The following NUDT19 variants were observed in gnomAD, a reference collection of about 807,000 sequenced individuals.
NUDT19 encodes nudix hydrolase 19, also known as acyl-coenzyme A diphosphatase NUDT19.
A neutral mutation model predicts 22.2 loss-of-function variants in NUDT19; 31 were observed. That is an observed-to-expected ratio of 1.40 (90% CI 1.05 to 1.89). The LOEUF (loss-of-function observed/expected upper bound fraction) is 1.89, where lower values mean the gene tolerates loss of function less well. NUDT19 is among the 40% of genes most tolerant of loss of function. The probability of loss-of-function intolerance (pLI) is 0.00; values close to 1 mark genes in which losing one functional copy is unlikely to be tolerated. For synonymous variants in NUDT19, 325 were observed against 230.8 expected, an observed-to-expected ratio of 1.41 and a Z score of -3.70; for missense variants, 752 against 514.2, an observed-to-expected ratio of 1.46 and a Z score of -4.47.
At chr19:32,710,028 T>G (rs934716897) in intron 2 of NUDT19, among the ~76,000 whole-genome samples, 24 of 150,028 alleles carry the variant, frequency 1.6e-4, no homozygotes, top group Non-Finnish European at 3.1e-4. Context: ...ATTAGGGAGC[T>G]TTTTTTTTGA....
rs1208713903 is a variant in NUDT19 at position 32,713,173 on chromosome 19, A to G, written c.*1216A>G. On this transcript the variant is annotated 3_prime_UTR_variant, in exon 3 of 3. Transcript: ENST00000397061. ...TATTTTATTTTATTCTATTTTATTTATTTTTGAGACAGAGTCTCGCTCTGT... is the reference window on the plus strand; with the variant it reads ...TATTTTATTTTATTCTATTTTATTTGTTTTTGAGACAGAGTCTCGCTCTGT... 6.6e-6 allele frequency: 1 copy of G among 151,928 alleles called. No individual in the cohort carries two copies. The highest frequency in any genetic ancestry group is 1.5e-5 in the Non-Finnish European group (1 of 67,984). The allele number at this position is 151,928 out of a possible 1,614,324, so 9.4% of individuals were successfully genotyped here. A position where few individuals can be genotyped will look rare whatever the true frequency, so the allele number is the denominator to read the frequency against.
chr19:32,711,531 A>G (rs976440470), intron 2 of NUDT19, among the ~76,000 whole-genome samples: 4 of 152,216 alleles, frequency 2.6e-5, no homozygotes, highest in African/African-American at 9.6e-5. Flanking sequence ...GTTAACAACT[A>G]TCTCAGTTCC....
At chr19:32,695,444 C>T (rs1968251780) in intron 1 of NUDT19, among the ~76,000 whole-genome samples, 1 of 152,202 alleles carries the variant, frequency 6.6e-6, no homozygotes, top group Admixed American at 6.5e-5. Context: ...TCCCAAAGTG[C>T]TGGGATTACA....
At position 32,691,841 on chromosome 19, in the gene NUDT19, C is replaced by A; in HGVS notation, c.-120C>A. On this transcript the variant is annotated 5_prime_UTR_variant, in exon 1 of 3. Transcript: ENST00000397061. ...CGACCAAACGCCCAGGTTCACCCAA[C>A]GCCAGAGGCTCGTCCTCAATTCCCG... 1 of 506,128 alleles carries A rather than the reference C, an allele frequency of 2.0e-6. No individual in the cohort carries two copies. Among genetic ancestry groups the A allele is most frequent in the Non-Finnish European group, 2.9e-6 (1 of 339,794 alleles). The allele number at this position is 506,128 out of a possible 1,614,324, so 31.4% of individuals were successfully genotyped here.
chr19:32,697,139 T>G (rs1330298854), intron 1 of NUDT19, among the ~76,000 whole-genome samples: 2 of 152,170 alleles, frequency 1.3e-5, no homozygotes, highest in Admixed American at 1.3e-4. Context: ...CTCTGTCCCC[T>G]CTGAACCACC....
rs529364709 is a variant in NUDT19 at position 32,694,220 on chromosome 19, A to G, written c.714+1546A>G. On this transcript the variant is annotated intron_variant, in intron 1 of 2. Transcript: ENST00000397061. ...TTGCCCAACTCCAGAGGTTGGTATA[A>G]GAGTTTGAAAGGCGTTGTCTGATTT... 2.6e-5 allele frequency among the ~76,000 whole-genome samples: 4 copies of G among 152,352 alleles called. No homozygotes were observed. In the East Asian group the frequency reaches 7.7e-4, roughly 29 times the overall value.
rs202188892 is a variant in NUDT19 at position 32,711,815 on chromosome 19, C to G, written c.986C>G (p.Thr329Ser). The G allele has an allele frequency of 5.0e-4, 804 of 1,613,660 alleles. 11 individuals carry two copies. In the South Asian group the frequency reaches 8.4e-3, roughly 17 times the overall value. ...AATCTTATGTCTACTGAAAAAAAGA[C>G]TGAGGAAATCATGAAGGAAGGCAAG... ...LENLMSTEKK[T>S]EEIMKEGKQF... Residue 329 changes from threonine to serine, a missense_variant, in exon 3 of 3, where the codon ACT (threonine) becomes AGT (serine). Physicochemically the swap from Thr to Ser is moderately conservative, Grantham distance 58. Coordinates refer to ENST00000397061, the MANE Select transcript of NUDT19 (RefSeq NM_001105570.2).
At chr19:32,708,018 C>T (rs780587888) in intron 1 of NUDT19, among the ~76,000 whole-genome samples, 27 of 150,930 alleles carry the variant, frequency 1.8e-4, no homozygotes, top group Non-Finnish European at 3.0e-4. Context: ...ACGATGGTGG[C>T]GGGTGCCTGT....
Position 32,692,678 on chromosome 19 carries a change from A to G in NUDT19, c.714+4A>G, listed in dbSNP as rs147910567. Reference sequence around the variant, plus strand: ...GGCGGAGGTGGTGGGCTACCAGGTAAGGCCTGCTCAGGGCCTTGCTGCGGA... The same window carrying G: ...GGCGGAGGTGGTGGGCTACCAGGTAGGGCCTGCTCAGGGCCTTGCTGCGGA... On this transcript the variant is annotated splice_donor_region_variant and intron_variant, in intron 1 of 2. Coordinates refer to ENST00000397061, the MANE Select transcript of NUDT19 (RefSeq NM_001105570.2). 2,834 of 1,483,334 alleles carry G rather than the reference A, an allele frequency of 1.9e-3. 58 individuals carry two copies. In the African/African-American group the frequency reaches 0.037, roughly 19 times the overall value. The allele number at this position is 1,483,334 out of a possible 1,614,324, so 91.9% of individuals were successfully genotyped here. A position where few individuals can be genotyped will look rare whatever the true frequency, so the allele number is the denominator to read the frequency against.
intron 1 of NUDT19, among the ~76,000 whole-genome samples, chr19:32,705,771 G>C (rs1968381316): frequency 6.6e-6 from 1 of 151,940 alleles, no homozygotes; most frequent in African/African-American, 2.4e-5. Context: ...TTTTAGTAGA[G>C]TCCGAGTTTC....
chr19:32,692,773 G>T lies in NUDT19; in HGVS notation c.714+99G>T. Reference sequence around the variant, plus strand: ...CCCAAGGGACCCCCGCATAGGCCAAGCCCAGAGAGATTAAGCAGCAAGGAA... The same window carrying T: ...CCCAAGGGACCCCCGCATAGGCCAATCCCAGAGAGATTAAGCAGCAAGGAA... On this transcript the variant is annotated intron_variant, in intron 1 of 2. Coordinates refer to ENST00000397061, the MANE Select transcript of NUDT19 (RefSeq NM_001105570.2). 4.7e-6 allele frequency: 4 copies of T among 846,586 alleles called. No individual in the cohort carries two copies. The South Asian group carries it at 8.8e-5, about 19-fold the overall frequency. The allele number at this position is 846,586 out of a possible 1,614,324, so 52.4% of individuals were successfully genotyped here. A position where few individuals can be genotyped will look rare whatever the true frequency, so the allele number is the denominator to read the frequency against.
At chr19:32,700,811 G>T (rs773227689) in intron 1 of NUDT19, among the ~76,000 whole-genome samples, 3 of 152,122 alleles carry the variant, frequency 2.0e-5, no homozygotes, top group Non-Finnish European at 2.9e-5. Context: ...GAAGGCCAGA[G>T]GATCAATTGA....
At position 32,692,371 on chromosome 19, in the gene NUDT19, C is replaced by G. The variant is rs76671126; in HGVS notation, c.411C>G (p.Gly137=). ...TGCGGGAGGCCTTTGAGGAGGCGGG[C>G]GTGCTGCTGCTGCGGCCCAGGACTT... ...CAVREAFEEA[G]VLLLRPRTSP... The change falls in exon 1 of 3, where the codon GGC becomes GGG. Residue 137 remains glycine (G), a synonymous_variant. Coordinates refer to ENST00000397061, the MANE Select transcript of NUDT19 (RefSeq NM_001105570.2). 1,941 of 1,588,616 alleles carry G rather than the reference C, an allele frequency of 1.2e-3. 33 individuals are homozygous for G. In the East Asian group the frequency reaches 0.033, roughly 27 times the overall value.
chr19:32,704,806 T>C (rs1968370596), intron 1 of NUDT19, among the ~76,000 whole-genome samples: 3 of 152,028 alleles, frequency 2.0e-5, no homozygotes, highest in African/African-American at 7.2e-5. Flanking sequence ...TCACATTCCT[T>C]AAAGAGTATT....
Position 32,711,858 on chromosome 19 carries a change from G to A in NUDT19, c.1029G>A (p.Val343=), listed in dbSNP as rs1489077916. The A allele has an allele frequency of 1.9e-6, 3 of 1,613,484 alleles. No homozygotes were observed. Among genetic ancestry groups the A allele is most frequent in the Non-Finnish European group, 2.5e-6 (3 of 1,179,414 alleles). ...MKEGKQFHRI[V]TYHRHLYDIH... is the part of the protein sequence containing the mutation. ...AAGGCAAGCAGTTTCACCGGATAGT[G>A]ACATACCATCGCCACCTTTATGATA... is the stretch of plus-strand genomic sequence containing the variant. The change falls in exon 3 of 3, where the codon GTG becomes GTA. Residue 343 remains valine, a synonymous_variant. Coordinates refer to ENST00000397061, the MANE Select transcript of NUDT19 (RefSeq NM_001105570.2).
In NUDT19 at chr19:32,692,574, T is replaced by G; in HGVS notation, c.614T>G (p.Leu205Trp). ...HNWSAWLTPF[L>W]RGTTRRFDTA... ...TGGAGCGCCTGGCTCACCCCTTTCTTGCGGGGCACCACTCGCCGCTTTGAC... is the reference window on the plus strand; with the variant it reads ...TGGAGCGCCTGGCTCACCCCTTTCTGGCGGGGCACCACTCGCCGCTTTGAC... The change falls in exon 1 of 3, where the codon TTG becomes TGG. Residue 205 changes from leucine (L) to tryptophan (W), a missense_variant. Transcript: ENST00000397061. The G allele has an allele frequency of 5.6e-6, 9 of 1,595,468 alleles. No individual in the cohort carries two copies. The highest frequency in any genetic ancestry group is 1.1e-5 in the South Asian group (1 of 88,998).
At chr19:32,696,964 G>T (rs1470623203) in intron 1 of NUDT19, among the ~76,000 whole-genome samples, 2 of 152,170 alleles carry the variant, frequency 1.3e-5, no homozygotes, top group Non-Finnish European at 2.9e-5. Flanking sequence ...TTCTGTCCCA[G>T]AGAACCTTTG....
Position 32,692,243 on chromosome 19 carries a change from C to G in NUDT19, c.283C>G (p.Pro95Ala), listed in dbSNP as rs1400377131. Residue 95 changes from proline to alanine, a missense_variant, in exon 1 of 3, where the codon CCA (proline) becomes GCA (alanine). Physicochemically the swap from Pro to Ala is conservative, Grantham distance 27. Transcript: ENST00000397061. ...GCCGCGCTTCGGCCTGGGCCCGGCG[C>G]CATTCAGCCGCACCGCTTTCCCGTC... ...GPPRFGLGPA[P>A]FSRTAFPSLP... The G allele has an allele frequency of 6.3e-7, 1 of 1,590,792 alleles. No individual in the cohort carries two copies. The highest frequency in any genetic ancestry group is 1.7e-5 in the Admixed American group (1 of 59,602).
rs534075980 is a variant in NUDT19 at position 32,697,800 on chromosome 19, C to T, written c.714+5126C>T. Among the ~76,000 whole-genome samples the T allele has an allele frequency of 5.3e-4, 81 of 152,236 alleles. 1 individual carries two copies. The highest frequency in any genetic ancestry group is 3.4e-4 in the Non-Finnish European group (23 of 68,022). On this transcript the variant is annotated intron_variant, in intron 1 of 2. Coordinates refer to ENST00000397061, the MANE Select transcript of NUDT19 (RefSeq NM_001105570.2). ...GTGAGATAGAAGGTTTGCCCTCGAC[C>T]CTGTAGGACATCTGTATACCTATCA...
Sources: gnomAD v4.1 joint callset for allele counts (sites outside exome capture counted in the v4.1 genomes callset) on GRCh38, gnomAD v4.1.1 for gene constraint, MANE v1.5 for transcripts, NCBI Gene and HGNC (gene_info 2026-07-23, HGNC 2026-07-21) for gene names.